PTPRD: variants seen among roughly 807,000 people sequenced by gnomAD.
The protein encoded by PTPRD is receptor-type tyrosine-protein phosphatase delta.
A neutral mutation model predicts 214.5 loss-of-function variants in PTPRD; 34 were observed. That is an observed-to-expected ratio of 0.16 (90% CI 0.12 to 0.21). PTPRD has a LOEUF of 0.21. Ranked by LOEUF, PTPRD falls within the 10% of genes least tolerant of loss-of-function variation. The pLI is 1.00. For missense variants in PTPRD, 2,545 were observed against 2,398.7 expected (o/e 1.06, Z -1.27); for synonymous variants, 1,128 against 845.7 (o/e 1.33, Z -5.79).
chr9:8,562,697 A>G (rs183230812), intron 14 of PTPRD, among the ~76,000 whole-genome samples: 1 of 152,266 alleles, frequency 6.6e-6, no homozygotes, highest in East Asian at 1.9e-4. Context: ...TCGGCCTCCT[A>G]AAGTGCCAGG....
intron 14 of PTPRD, among the ~76,000 whole-genome samples, chr9:8,567,940 TAA>T (rs1228768337): frequency 2.6e-5 from 4 of 152,240 alleles, no homozygotes; most frequent in Non-Finnish European, 5.9e-5. Context: ...ACTAAAATAT[TAA>T]AGTCATCACT....
At chr9:9,863,591 A>G (rs529685597) in intron 5 of PTPRD, among the ~76,000 whole-genome samples, 1 of 152,334 alleles carries the variant, frequency 6.6e-6, no homozygotes, top group African/African-American at 2.4e-5. Context: ...TAATGGCTTC[A>G]GAGGAGGCAA....
At chr9:8,445,028 G>A (rs908941078) in intron 34 of PTPRD, among the ~76,000 whole-genome samples, 5 of 152,096 alleles carry the variant, frequency 3.3e-5, no homozygotes, top group Admixed American at 6.6e-5. Flanking sequence ...TGTAAAACTT[G>A]ATCAGCAGTT....
rs974318727 is a variant in PTPRD at position 10,393,906 on chromosome 9, T to A, written c.-599-52889A>T. 1.5e-4 allele frequency among the ~76,000 whole-genome samples: 23 copies of A among 148,466 alleles called. 1 individual carries two copies. The highest frequency in any genetic ancestry group is 1.4e-3 in the Admixed American group (21 of 14,768). ...AGTGACTAAATCCATATTGTGGATA[T>A]ATACATTATGCTTGATTATATCTTT... On this transcript the variant is annotated intron_variant, in intron 2 of 45. Transcript: ENST00000381196.
chr9:9,317,393 C>A (rs1430487766), intron 9 of PTPRD, among the ~76,000 whole-genome samples: 1 of 152,144 alleles, frequency 6.6e-6, no homozygotes, highest in African/African-American at 2.4e-5. Flanking sequence ...ACTTATTATT[C>A]TTCCTTAAAA....
chr9:10,577,291 G>C (rs1209260802), intron 2 of PTPRD, among the ~76,000 whole-genome samples: 1 of 152,154 alleles, frequency 6.6e-6, no homozygotes, highest in Non-Finnish European at 1.5e-5. Flanking sequence ...AGTGGAACCA[G>C]AAGACATTTA....
intron 9 of PTPRD, among the ~76,000 whole-genome samples, chr9:9,316,796 G>A (rs1963412420): frequency 6.6e-6 from 1 of 152,124 alleles, no homozygotes; most frequent in Admixed American, 6.6e-5. Context: ...GTCATCGTAT[G>A]GTAAATAATT....
chr9:10,444,153 C>T (rs903157716), intron 2 of PTPRD, among the ~76,000 whole-genome samples: 6 of 151,834 alleles, frequency 4.0e-5, no homozygotes, highest in East Asian at 3.9e-4. Flanking sequence ...CCAATAAAAG[C>T]CATCAGCTTA....
intron 39 of PTPRD, among the ~76,000 whole-genome samples, chr9:8,372,259 C>G (rs2081781957): frequency 6.6e-6 from 1 of 151,834 alleles, no homozygotes; most frequent in African/African-American, 2.4e-5. Context: ...AGATGATATC[C>G]AAATTCATGT....
At chr9:8,713,595 G>T in intron 12 of PTPRD, 2 of 1,525,620 alleles carry the variant, frequency 1.3e-6, no homozygotes, top group East Asian at 2.3e-5. Context: ...ACATGTACCG[G>T]GAATACCGGG....
At chr9:10,551,680 C>A (rs902378133) in intron 2 of PTPRD, among the ~76,000 whole-genome samples, 1 of 152,130 alleles carries the variant, frequency 6.6e-6, no homozygotes, top group African/African-American at 2.4e-5. Context: ...AAATAAACTT[C>A]TGTTGTTTAC....
chr9:8,926,745 G>A (rs916880758), intron 11 of PTPRD, among the ~76,000 whole-genome samples: 3 of 152,154 alleles, frequency 2.0e-5, no homozygotes, highest in Admixed American at 2.0e-4. Flanking sequence ...CTGCCCTTCA[G>A]GCAGGCTGTG....
chr9:8,666,047 T>A (rs988693599), intron 12 of PTPRD, among the ~76,000 whole-genome samples: 17 of 152,194 alleles, frequency 1.1e-4, no homozygotes, highest in African/African-American at 3.9e-4. Flanking sequence ...CTGTTTTTTT[T>A]TTTTCTGAAT....
At chr9:9,013,891 G>C (rs891530088) in intron 11 of PTPRD, among the ~76,000 whole-genome samples, 1 of 152,096 alleles carries the variant, frequency 6.6e-6, no homozygotes, top group Admixed American at 6.6e-5. Context: ...CAACGTGCAA[G>C]GTGAGGTTCC....
chr9:8,508,875 ATGTG>A (rs1298634563), intron 21 of PTPRD, among the ~76,000 whole-genome samples: 2 of 150,842 alleles, frequency 1.3e-5, no homozygotes, highest in Non-Finnish European at 3.0e-5. Flanking sequence ...GTGTATATAT[ATGTG>A]TGTGTGTGTG....
intron 39 of PTPRD, among the ~76,000 whole-genome samples, chr9:8,370,265 A>C (rs1251704496): frequency 6.6e-6 from 1 of 151,910 alleles, no homozygotes; most frequent in East Asian, 1.9e-4. Context: ...GTGAAGAGAT[A>C]ATGGCAAATA....
intron 12 of PTPRD, among the ~76,000 whole-genome samples, chr9:8,651,630 C>G (rs980961494): frequency 8.5e-5 from 13 of 152,144 alleles, no homozygotes; most frequent in East Asian, 1.9e-4. Context: ...CATTTTAAAT[C>G]TGAGGAGAAA....
intron 9 of PTPRD, among the ~76,000 whole-genome samples, chr9:9,270,552 T>C (rs1042188893): frequency 1.3e-5 from 2 of 151,322 alleles, no homozygotes; most frequent in African/African-American, 4.8e-5. Context: ...CTACAGAGTA[T>C]AATGTGCTCA....
intron 8 of PTPRD, among the ~76,000 whole-genome samples, chr9:9,525,086 T>G (rs1386750575): frequency 6.6e-6 from 1 of 152,160 alleles, no homozygotes; most frequent in African/African-American, 2.4e-5. Context: ...CTCGATCTCT[T>G]GACCTCATGA....
Sources: gnomAD v4.1 joint callset for allele counts (sites outside exome capture counted in the v4.1 genomes callset) on GRCh38, gnomAD v4.1.1 for gene constraint, MANE v1.5 for transcripts, NCBI Gene and HGNC (gene_info 2026-07-23, HGNC 2026-07-21) for gene names.